The following NOX4 variants were observed in gnomAD, a reference collection of about 807,000 sequenced individuals.
The protein encoded by NOX4 is kidney oxidase-1.
NOX4 carries 69 observed loss-of-function variants against 87.6 expected under a neutral mutation model. That is an observed-to-expected ratio of 0.79 (90% CI 0.65 to 0.96). The LOEUF is 0.96. NOX4 is among the 40% of genes least tolerant of loss of function. The pLI is 0.00. For missense variants in NOX4, 680 were observed against 681.5 expected, an observed-to-expected ratio of 1.00 and a Z score of 0.02; for synonymous variants, 275 against 238.2, an observed-to-expected ratio of 1.15 and a Z score of -1.42.
the NOX4 span, among the ~76,000 whole-genome samples, chr11:89,532,895 C>T: frequency 6.6e-6 from 1 of 152,008 alleles, no homozygotes. Flanking sequence ...CTCACTCTTC[C>T]TCTCTCCTGT....
At chr11:89,475,768 A>T (rs182304865) in intron 2 of NOX4, among the ~76,000 whole-genome samples, 2 of 152,008 alleles carry the variant, frequency 1.3e-5, no homozygotes. Context: ...GGTTCCAAGT[A>T]ATATAGGGAA....
At chr11:89,520,014 A>T in the NOX4 span, among the ~76,000 whole-genome samples, 1 of 152,044 alleles carries the variant, frequency 6.6e-6, no homozygotes, top group Non-Finnish European at 1.5e-5. Context: ...TACTTGGACC[A>T]ATTACTATGA....
chr11:89,506,602 T>A, the NOX4 span, among the ~76,000 whole-genome samples: 14 of 151,776 alleles, frequency 9.2e-5, no homozygotes, highest in Non-Finnish European at 2.1e-4. Flanking sequence ...TTAAAGTATA[T>A]AACTTCTGTT....
intron 8 of NOX4, among the ~76,000 whole-genome samples, chr11:89,414,488 G>A (rs951067523): frequency 6.6e-6 from 1 of 151,464 alleles, no homozygotes; most frequent in African/African-American, 2.4e-5. Flanking sequence ...AAGACACACT[G>A]GCAATAAAAT....
intron 12 of NOX4, among the ~76,000 whole-genome samples, chr11:89,367,148 A>G (rs1939068596): frequency 6.6e-6 from 1 of 152,142 alleles, no homozygotes; most frequent in Admixed American, 6.6e-5. Flanking sequence ...TAGACTCACA[A>G]GAGGCCAGAA....
At chr11:89,457,863 C>A (rs770403823) in intron 2 of NOX4, among the ~76,000 whole-genome samples, 21 of 151,950 alleles carry the variant, frequency 1.4e-4, no homozygotes, top group Non-Finnish European at 2.6e-4. Flanking sequence ...AAATAAAACA[C>A]CTCTGTAAGA....
chr11:89,463,699 T>G (rs1945563823), intron 2 of NOX4, among the ~76,000 whole-genome samples: 1 of 151,966 alleles, frequency 6.6e-6, no homozygotes, highest in Non-Finnish European at 1.5e-5. Flanking sequence ...TAAAAAGCAA[T>G]TAATATGTCC....
rs777201944 is a variant in NOX4 at position 89,451,849 on chromosome 11, T to C, written c.200A>G (p.Asn67Ser). ...CATGGGTAAAAGGATAAGGCTGCAG[T>C]TGAGGTTAAGAACAGATGCTGAGGC... ...SRASASVLNLNCSLILLPMCR... is the reference protein window; with the variant it reads ...SRASASVLNLSCSLILLPMCR... Residue 67 changes from asparagine to serine, a missense_variant, in exon 3 of 18, where the codon AAC (asparagine) becomes AGC (serine). By Grantham distance (46) the Asn-to-Ser change is conservative. Coordinates refer to ENST00000263317, the MANE Select transcript of NOX4 (RefSeq NM_016931.5). The C allele has an allele frequency of 6.2e-7, 1 of 1,613,454 alleles. No individual in the cohort carries two copies. Among genetic ancestry groups the C allele is most frequent in the Non-Finnish European group, 8.5e-7 (1 of 1,179,550 alleles).
chr11:89,448,282 G>A (rs1300243352), intron 4 of NOX4, among the ~76,000 whole-genome samples: 1 of 152,072 alleles, frequency 6.6e-6, no homozygotes, highest in Non-Finnish European at 1.5e-5. Flanking sequence ...TAAAACAGAA[G>A]GGCAACTGAG....
the NOX4 span, among the ~76,000 whole-genome samples, chr11:89,512,230 T>C: frequency 2.0e-5 from 3 of 152,054 alleles, no homozygotes; most frequent in Non-Finnish European, 4.4e-5. Flanking sequence ...GACATATCCA[T>C]CATTGCCAAA....
chr11:89,499,489 G>C (rs928340249), upstream of NOX4, among the ~76,000 whole-genome samples: 2 of 152,156 alleles, frequency 1.3e-5, no homozygotes, highest in Admixed American at 6.5e-5. Flanking sequence ...TCAGGAATAA[G>C]AGAAATAAAT....
At chr11:89,585,475 A>G in the NOX4 span, among the ~76,000 whole-genome samples, 3 of 152,216 alleles carry the variant, frequency 2.0e-5, no homozygotes, top group Non-Finnish European at 2.9e-5. Flanking sequence ...AGCTTTCCCT[A>G]TAAAAGGCCA....
At chr11:89,516,282 T>C in the NOX4 span, among the ~76,000 whole-genome samples, 1 of 152,060 alleles carries the variant, frequency 6.6e-6, no homozygotes, top group Non-Finnish European at 1.5e-5. Context: ...TCCTATATCT[T>C]TTAAGAGAAA....
At chr11:89,420,990 C>G (rs1943053944) in intron 8 of NOX4, among the ~76,000 whole-genome samples, 1 of 152,146 alleles carries the variant, frequency 6.6e-6, no homozygotes, top group South Asian at 2.1e-4. Context: ...ACGAATGAGC[C>G]TTACCCAATG....
At chr11:89,402,999 T>C (rs1425149442) in intron 8 of NOX4, among the ~76,000 whole-genome samples, 1 of 152,204 alleles carries the variant, frequency 6.6e-6, no homozygotes, top group Non-Finnish European at 1.5e-5. Context: ...CTTGCTGATT[T>C]GCAGAGAAAT....
At chr11:89,481,249 T>G (rs1292302800) in intron 2 of NOX4, among the ~76,000 whole-genome samples, 1 of 152,016 alleles carries the variant, frequency 6.6e-6, no homozygotes, top group Non-Finnish European at 1.5e-5. Flanking sequence ...TTAACATATA[T>G]ATGTTATATA....
the NOX4 span, among the ~76,000 whole-genome samples, chr11:89,547,688 G>A: frequency 6.6e-6 from 1 of 152,146 alleles, no homozygotes; most frequent in Non-Finnish European, 1.5e-5. Context: ...AATCAATTGA[G>A]CAGCTCATAA....
At chr11:89,556,391 C>A in the NOX4 span, among the ~76,000 whole-genome samples, 1 of 152,008 alleles carries the variant, frequency 6.6e-6, no homozygotes, top group African/African-American at 2.4e-5. Flanking sequence ...GGCATGGTGG[C>A]ATGTGCCTGT....
At chr11:89,490,108 G>C (rs1354097006) in intron 2 of NOX4, among the ~76,000 whole-genome samples, 1 of 152,132 alleles carries the variant, frequency 6.6e-6, no homozygotes, top group Non-Finnish European at 1.5e-5. Context: ...GCACTGATAA[G>C]TATATACTAA....
Sources: gnomAD v4.1 joint callset for allele counts (sites outside exome capture counted in the v4.1 genomes callset) on GRCh38, gnomAD v4.1.1 for gene constraint, MANE v1.5 for transcripts, NCBI Gene and HGNC (gene_info 2026-07-23, HGNC 2026-07-21) for gene names.